GAL3ST2: variants seen among roughly 807,000 people sequenced by gnomAD.
The protein encoded by GAL3ST2 is beta-galactose-3-O-sulfotransferase 2.
GAL3ST2 carries 16 observed loss-of-function variants against 12.9 expected under a neutral mutation model. The observed-to-expected ratio is 1.24, with a 90% confidence interval of 0.84 to 1.88. The LOEUF is 1.88. Among genes scored for constraint, GAL3ST2 ranks in the 40% most tolerant of loss-of-function variants. The pLI, the probability that GAL3ST2 is intolerant of heterozygous loss-of-function variation, is 0.00. For synonymous variants in GAL3ST2, 302 were observed against 273.9 expected, an observed-to-expected ratio of 1.10 and a Z score of -1.01; for missense variants, 639 against 571.8, an observed-to-expected ratio of 1.12 and a Z score of -1.20.
At chr2:241,799,990 A>C (rs189997963) in intron 2 of GAL3ST2, among the ~76,000 whole-genome samples, 5 of 152,226 alleles carry the variant, frequency 3.3e-5, no homozygotes, top group Admixed American at 6.5e-5. Flanking sequence ...CCTGGTGTGA[A>C]GGGACAAGAA....
Position 241,801,980 on chromosome 2 carries a change from G to T in GAL3ST2, c.319G>T (p.Gly107Trp). 6.2e-7 allele frequency: 1 copy of T among 1,612,900 alleles called. No individual in the cohort carries two copies. The highest frequency in any genetic ancestry group is 1.3e-5 in the African/African-American group (1 of 75,038). ...LFLARYVEGV[G>W]SQQRFNIMCN... Reference sequence around the variant, plus strand: ...CCTGGCGCGCTACGTGGAAGGCGTGGGGTCGCAGCAGCGCTTCAACATCAT... The same window carrying T: ...CCTGGCGCGCTACGTGGAAGGCGTGTGGTCGCAGCAGCGCTTCAACATCAT... Residue 107 changes from glycine (G) to tryptophan (W), a missense_variant, in exon 3 of 4, where the codon GGG (glycine) becomes TGG (tryptophan). Physicochemically the swap from Gly to Trp is radical, Grantham distance 184 (BLOSUM62 -2). Transcript: ENST00000192314. This position sits in a 1 kb window ranked among gnomAD's most constrained non-coding sequence, Gnocchi z 4.4.
At chr2:241,797,402 T>C (rs1222827888) in intron 1 of GAL3ST2, among the ~76,000 whole-genome samples, 2 of 152,272 alleles carry the variant, frequency 1.3e-5, no homozygotes, top group African/African-American at 4.8e-5. Flanking sequence ...TTTTTGTCCA[T>C]TTGAACTTTA....
At chr2:241,782,175 G>A (rs887266248) in intron 1 of GAL3ST2, among the ~76,000 whole-genome samples, 1 of 152,170 alleles carries the variant, frequency 6.6e-6, no homozygotes, top group Non-Finnish European at 1.5e-5. Flanking sequence ...TCTTGCATCA[G>A]TGTGTCTTTG....
rs1699867991 is a variant in GAL3ST2 at position 241,802,624 on chromosome 2, G to A, written c.375+588G>A. 6.6e-6 allele frequency among the ~76,000 whole-genome samples: 1 copy of A among 151,100 alleles called. No individual in the cohort carries two copies. The highest frequency in any genetic ancestry group is 3.2e-3 in the Middle Eastern group (1 of 314). ...GGGCAGCGGGGGTGTGCTGTGGGGTGGGGGCTGCGGGGCAGAGGGAGGAGG... is the reference window on the plus strand; with the variant it reads ...GGGCAGCGGGGGTGTGCTGTGGGGTAGGGGCTGCGGGGCAGAGGGAGGAGG... On this transcript the variant is annotated intron_variant, in intron 3 of 3. Coordinates refer to ENST00000192314, the MANE Select transcript of GAL3ST2 (RefSeq NM_022134.3). This position sits in a 1 kb window ranked among gnomAD's most constrained non-coding sequence, Gnocchi z 4.8.
intron 1 of GAL3ST2, among the ~76,000 whole-genome samples, chr2:241,791,100 A>G (rs1048534439): frequency 1.3e-5 from 2 of 152,144 alleles, no homozygotes; most frequent in African/African-American, 4.8e-5. Flanking sequence ...AATGTTTTAA[A>G]CCAAGCTGTA....
chr2:241,780,270 C>T (rs1221326516), intron 1 of GAL3ST2, among the ~76,000 whole-genome samples: 3 of 152,096 alleles, frequency 2.0e-5, no homozygotes, highest in Non-Finnish European at 2.9e-5. Flanking sequence ...TCTGTAATCC[C>T]AGCACTTTGG....
At chr2:241,786,172 G>T (rs1279221555) in intron 1 of GAL3ST2, among the ~76,000 whole-genome samples, 2 of 115,876 alleles carry the variant, frequency 1.7e-5, no homozygotes, top group African/African-American at 8.9e-5. Context: ...TGTGTGTGTT[G>T]GGGGGGATCT....
In GAL3ST2 at chr2:241,802,680, TG is replaced by T. The variant is rs1409986061; in HGVS notation, c.375+649del. 1.7e-5 allele frequency among the ~76,000 whole-genome samples: 1 copy of T among 57,858 alleles called. No homozygotes were observed. The highest frequency in any genetic ancestry group is 3.6e-5 in the Non-Finnish European group (1 of 28,022). The allele number at this position is 57,858 out of a possible 152,430, so 38.0% of individuals were successfully genotyped here. The stretch of plus-strand genomic sequence containing the variant: ...CCGGGAGGAGGGGAAAGGAAGAGGG[TG>T]GGGGCAGGGAGGAGGCCTCCCACTG... On this transcript the variant is annotated intron_variant, in intron 3 of 3. Coordinates refer to ENST00000192314, the MANE Select transcript of GAL3ST2 (RefSeq NM_022134.3). This position sits in a 1 kb window ranked among gnomAD's most constrained non-coding sequence, Gnocchi z 4.8.
rs1699872002 is a variant in GAL3ST2, at chr2:241,802,890, C to A, written c.376-455C>A. 6.6e-6 allele frequency among the ~76,000 whole-genome samples: 1 copy of A among 152,110 alleles called. No homozygotes were observed. Among genetic ancestry groups the A allele is most frequent in the Non-Finnish European group, 1.5e-5 (1 of 68,000 alleles). ...ACGGACCTTCTCTGGGCCTCAGTTT[C>A]TTTGTCTGTTAGGTGGGTGTCACCC... On this transcript the variant is annotated intron_variant, in intron 3 of 3. Transcript: ENST00000192314. The surrounding 1 kb of genome is among the most constrained non-coding windows in gnomAD (Gnocchi z 4.8).
chr2:241,794,940 T>C (rs189120673), intron 1 of GAL3ST2, among the ~76,000 whole-genome samples: 41 of 152,212 alleles, frequency 2.7e-4, no homozygotes, highest in Non-Finnish European at 5.9e-4. Flanking sequence ...TTTAACAGCC[T>C]TATTGAGATG....
At chr2:241,799,212 C>G (rs777631756) in intron 2 of GAL3ST2, 58 bp downstream of exon 2, 1 of 1,457,858 alleles carries the variant, frequency 6.9e-7, no homozygotes. Flanking sequence ...GCCCCGAGGA[C>G]AGAGCCTGGG....
chr2:241,794,401 C>T (rs1559416042), intron 1 of GAL3ST2, among the ~76,000 whole-genome samples: 3 of 152,236 alleles, frequency 2.0e-5, no homozygotes, highest in Non-Finnish European at 4.4e-5. Flanking sequence ...CTCAAGCTGT[C>T]CCCTCTGTCC....
Position 241,795,466 on chromosome 2 carries a change from A to G in GAL3ST2, c.30-3599A>G, listed in dbSNP as rs1699761517. On this transcript the variant is annotated intron_variant, in intron 1 of 3. Coordinates refer to ENST00000192314, the MANE Select transcript of GAL3ST2 (RefSeq NM_022134.3). This position sits in a 1 kb window ranked among gnomAD's most constrained non-coding sequence, Gnocchi z 4.5. ...AGAGGGGCTATAAAAGTGCAGAGTG[A>G]GGGGCCATAAAGGTGCAGGGTGTTT... Among the ~76,000 whole-genome samples, 1 of 152,166 alleles carries G rather than the reference A, an allele frequency of 6.6e-6. No homozygotes were observed. The highest frequency in any genetic ancestry group is 2.4e-5 in the African/African-American group (1 of 41,442).
At chr2:241,788,697 GGAAA>G (rs1699656587) in intron 1 of GAL3ST2, among the ~76,000 whole-genome samples, 1 of 152,108 alleles carries the variant, frequency 6.6e-6, no homozygotes, top group African/African-American at 2.4e-5. Context: ...AGCCCTTCAG[GGAAA>G]TCCCCTCAAA....
chr2:241,803,864 G>C lies in GAL3ST2; in HGVS notation c.895G>C (p.Gly299Arg), dbSNP rs968075892. Reference protein sequence around the residue: ...TLWAQLRAELGPRRLRGEVER... With the variant: ...TLWAQLRAELRPRRLRGEVER... ...CTGGGCGCAGCTGCGCGCCGAGCTGGGGCCGCGGCGGCTGCGCGGGGAGGT... is the reference window on the plus strand; with the variant it reads ...CTGGGCGCAGCTGCGCGCCGAGCTGCGGCCGCGGCGGCTGCGCGGGGAGGT... Residue 299 changes from glycine to arginine, a missense_variant, in exon 4 of 4, where the codon GGG (glycine) becomes CGG (arginine). By Grantham distance (125) the Gly-to-Arg change is moderately radical (BLOSUM62 -2). Coordinates refer to ENST00000192314, the MANE Select transcript of GAL3ST2 (RefSeq NM_022134.3). 1.4e-6 allele frequency: 2 copies of C among 1,429,768 alleles called. No individual in the cohort carries two copies. The highest frequency in any genetic ancestry group is 1.8e-6 in the Non-Finnish European group (2 of 1,101,660). 88.6% of individuals were successfully genotyped at this position (1,429,768 alleles called of 1,614,324 possible).
In GAL3ST2 at chr2:241,793,429, G is replaced by A. The variant is rs1431442039; in HGVS notation, c.30-5636G>A. The stretch of plus-strand genomic sequence containing the variant: ...ATGTATACATGTACGTGTGTATATT[G>A]TGTACGTGTATGTATGTACTGTGTA... On this transcript the variant is annotated intron_variant, in intron 1 of 3. Coordinates refer to ENST00000192314, the MANE Select transcript of GAL3ST2 (RefSeq NM_022134.3). The surrounding 1 kb of genome is among the most constrained non-coding windows in gnomAD (Gnocchi z 4.7). Among the ~76,000 whole-genome samples the A allele has an allele frequency of 6.6e-6, 1 of 151,522 alleles. No individual in the cohort carries two copies. The highest frequency in any genetic ancestry group is 1.5e-5 in the Non-Finnish European group (1 of 67,970).
chr2:241,780,362 T>C (rs536495643), intron 1 of GAL3ST2, among the ~76,000 whole-genome samples: 3 of 151,996 alleles, frequency 2.0e-5, no homozygotes, highest in African/African-American at 7.2e-5. Flanking sequence ...CTACTAAAAA[T>C]ACAAAAATTA....
intron 1 of GAL3ST2, among the ~76,000 whole-genome samples, chr2:241,787,285 A>G (rs1477510828): frequency 2.0e-5 from 3 of 152,178 alleles, no homozygotes; most frequent in Non-Finnish European, 4.4e-5. Context: ...ACAAATGCGC[A>G]TCGTCAACCT....
In GAL3ST2 at chr2:241,802,133, A is replaced by T; in HGVS notation, c.375+97A>T. On this transcript the variant is annotated intron_variant, in intron 3 of 3. Transcript: ENST00000192314. The surrounding 1 kb of genome is among the most constrained non-coding windows in gnomAD (Gnocchi z 4.8). ...CTGGAGGCTGGAGAGAAGGAGTGTA[A>T]GGCTTGGGGGCGGGGCGTGCAGAAG... 4.2e-5 allele frequency: 48 copies of T among 1,146,258 alleles called. No homozygotes were observed. The highest frequency in any genetic ancestry group is 4.4e-5 in the Non-Finnish European group (37 of 836,998). The allele number at this position is 1,146,258 out of a possible 1,614,324, so 71.0% of individuals were successfully genotyped here. A position where few individuals can be genotyped will look rare whatever the true frequency, so the allele number is the denominator to read the frequency against.
Sources: allele counts gnomAD v4.1 joint callset (sites outside exome capture counted in the v4.1 genomes callset), GRCh38; gene constraint gnomAD v4.1.1; non-coding constraint Gnocchi (gnomAD v3.1); transcripts MANE v1.5; gene names NCBI Gene and HGNC (gene_info 2026-07-23, HGNC 2026-07-21).